The following RIN3 variants were observed in gnomAD, a reference collection of about 807,000 sequenced individuals.
The protein encoded by RIN3 is RAB5 interacting protein 3.
Under a neutral mutation model 76.3 loss-of-function variants are expected in RIN3, and 54 were observed. The ratio of observed to expected loss-of-function variants is 0.71; its 90% confidence interval spans 0.57 to 0.89. The LOEUF (loss-of-function observed/expected upper bound fraction) is 0.89, where lower values mean the gene tolerates loss of function less well. RIN3 is among the 40% of genes least tolerant of loss of function. The pLI, the probability that RIN3 is intolerant of heterozygous loss-of-function variation, is 0.00. For synonymous variants in RIN3, 576 were observed against 564.0 expected, an observed-to-expected ratio of 1.02 and a Z score of -0.30; for missense variants, 1,256 against 1,322.1, an observed-to-expected ratio of 0.95 and a Z score of 0.78.
At chr14:92,547,144 C>A (rs1566836713) in intron 1 of RIN3, among the ~76,000 whole-genome samples, 1 of 62,954 alleles carries the variant, frequency 1.6e-5, no homozygotes, top group Non-Finnish European at 3.4e-5. Flanking sequence ...AGTAAATTAT[C>A]TTTATTTTAT....
intron 8 of RIN3, among the ~76,000 whole-genome samples, chr14:92,677,463 GT>G (rs1888508403): frequency 6.6e-6 from 1 of 152,188 alleles, no homozygotes; most frequent in Non-Finnish European, 1.5e-5. Flanking sequence ...CTTTGTATCT[GT>G]TCGCATTTTT....
chr14:92,641,238 A>G lies in RIN3; in HGVS notation c.441A>G (p.Arg147=), dbSNP rs1171810201. The G allele has an allele frequency of 6.2e-7, 1 of 1,612,432 alleles. No individual in the cohort carries two copies. Among genetic ancestry groups the G allele is most frequent in the Non-Finnish European group, 8.5e-7 (1 of 1,178,576 alleles). Residue 147 remains arginine, a splice_region_variant and synonymous_variant, in exon 5 of 10, where the codon AGA becomes AGG. Coordinates refer to ENST00000216487, the MANE Select transcript of RIN3 (RefSeq NM_024832.5). ...ACTTCTGCCCCTCGTGTCTTCACAG[A>G]GACTTACTGCCCTTCACACTGCGGC... ...FRLIAFYCVS[R]DLLPFTLRLP...
intron 4 of RIN3, among the ~76,000 whole-genome samples, chr14:92,639,553 G>A (rs1381496250): frequency 6.6e-6 from 1 of 152,182 alleles, no homozygotes; most frequent in African/African-American, 2.4e-5. Context: ...AAGAAACACA[G>A]AATCGGGACC....
chr14:92,568,293 T>G lies in RIN3; in HGVS notation c.250-9067T>G, dbSNP rs892062775. On this transcript the variant is annotated intron_variant, in intron 2 of 9. Coordinates refer to ENST00000216487, the MANE Select transcript of RIN3 (RefSeq NM_024832.5). The surrounding 1 kb of genome is among the most constrained non-coding windows in gnomAD (Gnocchi z 4.2). ...GGCAACATCCCCTTGGAGTATGACC[T>G]GGGGACACTCGATCAGCGAGTGGGC... Among the ~76,000 whole-genome samples the G allele has an allele frequency of 1.2e-4, 18 of 152,152 alleles. No homozygotes were observed. Among genetic ancestry groups the G allele is most frequent in the African/African-American group, 4.3e-4 (18 of 41,426 alleles).
chr14:92,546,738 C>G (rs1897276066), intron 1 of RIN3, among the ~76,000 whole-genome samples: 2 of 152,050 alleles, frequency 1.3e-5, no homozygotes, highest in African/African-American at 4.8e-5. Flanking sequence ...CAGCCTCAGA[C>G]CATTCCTCCT....
rs947585209 is a variant in RIN3 at position 92,648,533 on chromosome 14, C to T, written c.533-3049C>T. On this transcript the variant is annotated intron_variant, in intron 5 of 9. Transcript: ENST00000216487. This position sits in a 1 kb window ranked among gnomAD's most constrained non-coding sequence, Gnocchi z 4.1. ...TGGTTCAGGTTGTCCCCATCTTGCC[C>T]TTGAAACTAACCTTGCCTGTGTCCC... 6.6e-6 allele frequency among the ~76,000 whole-genome samples: 1 copy of T among 152,150 alleles called. No individual in the cohort carries two copies. Among genetic ancestry groups the T allele is most frequent in the Non-Finnish European group, 1.5e-5 (1 of 68,048 alleles).
Position 92,623,776 on chromosome 14 carries a change from T to C in RIN3, c.440+8297T>C, listed in dbSNP as rs113984167. 1.6e-3 allele frequency among the ~76,000 whole-genome samples: 237 copies of C among 152,324 alleles called. 1 individual carries two copies. Among genetic ancestry groups the C allele is most frequent in the Non-Finnish European group, 2.9e-3 (196 of 68,028 alleles). Reference sequence around the variant, plus strand: ...CAAGTGCAGACTGATTGGTAAGCTCTTGGAAAGACTTAAGCTCACTGCATC... The same window carrying C: ...CAAGTGCAGACTGATTGGTAAGCTCCTGGAAAGACTTAAGCTCACTGCATC... On this transcript the variant is annotated intron_variant, in intron 4 of 9. Transcript: ENST00000216487. The surrounding 1 kb of genome is among the most constrained non-coding windows in gnomAD (Gnocchi z 4.9).
chr14:92,680,103 G>A (rs1052081922), intron 8 of RIN3, among the ~76,000 whole-genome samples: 1 of 152,132 alleles, frequency 6.6e-6, no homozygotes, highest in Non-Finnish European at 1.5e-5. Flanking sequence ...GGCACCAGCA[G>A]ACTCAGTGTC....
chr14:92,628,262 G>A (rs1045535338), intron 4 of RIN3, among the ~76,000 whole-genome samples: 11 of 152,212 alleles, frequency 7.2e-5, no homozygotes, highest in African/African-American at 2.2e-4. Context: ...TGGGATCCAT[G>A]CAATGCCATC....
At chr14:92,646,157 C>G (rs913750466) in intron 5 of RIN3, among the ~76,000 whole-genome samples, 1 of 152,146 alleles carries the variant, frequency 6.6e-6, no homozygotes, top group Admixed American at 6.5e-5. Flanking sequence ...TGAATTCATA[C>G]TCAGGGCTTG....
intron 1 of RIN3, among the ~76,000 whole-genome samples, chr14:92,546,156 C>T (rs1008002991): frequency 5.3e-5 from 8 of 152,046 alleles, no homozygotes; most frequent in Non-Finnish European, 1.2e-4. Context: ...AACTCGTGAC[C>T]TCAAATGATC....
rs1566887323 is a variant in RIN3, at chr14:92,652,075, G to A, written c.1026G>A (p.Glu342=). Residue 342 remains glutamate (E), a synonymous_variant, in exon 6 of 10, where the codon GAG becomes GAA. Coordinates refer to ENST00000216487, the MANE Select transcript of RIN3 (RefSeq NM_024832.5). The surrounding 1 kb of genome is among the most constrained non-coding windows in gnomAD (Gnocchi z 6.4). ...ACCAGCCGCCCATGATGACCTGCGA[G>A]AGACTCCCATGCCCCACTGCAGGCC... The part of the protein sequence containing the change: ...HPNQPPMMTC[E]RLPCPTAGLG... 3 of 1,603,210 alleles carry A rather than the reference G, an allele frequency of 1.9e-6. No homozygotes were observed. Among genetic ancestry groups the A allele is most frequent in the East Asian group, 2.2e-5 (1 of 44,784 alleles).
At chr14:92,582,155 A>C (rs150846850) in intron 3 of RIN3, among the ~76,000 whole-genome samples, 1 of 152,330 alleles carries the variant, frequency 6.6e-6, no homozygotes, top group East Asian at 1.9e-4. Flanking sequence ...AAGTTTGGTC[A>C]AGCGAAGAAT....
At chr14:92,679,859 T>G (rs1042107816) in intron 8 of RIN3, among the ~76,000 whole-genome samples, 1 of 152,232 alleles carries the variant, frequency 6.6e-6, no homozygotes, top group African/African-American at 2.4e-5. Flanking sequence ...GGCCCAGTTC[T>G]GCCTCTGACT....
intron 5 of RIN3, among the ~76,000 whole-genome samples, chr14:92,650,755 G>C (rs1433451273): frequency 4.6e-5 from 7 of 152,250 alleles, no homozygotes; most frequent in Non-Finnish European, 8.8e-5. Context: ...GCTTGGCAGA[G>C]TGTGGTCCCC....
rs760419793 is a variant in RIN3, at chr14:92,672,892, G to A, written c.2336-3583G>A. Among the ~76,000 whole-genome samples the A allele has an allele frequency of 9.9e-5, 15 of 152,168 alleles. No homozygotes were observed. In the South Asian group the frequency reaches 1.5e-3, roughly 15 times the overall value. On this transcript the variant is annotated intron_variant, in intron 7 of 9. Transcript: ENST00000216487. Reference sequence around the variant, plus strand: ...GTTTGTGGGTTTGCTTATTCTGGACGTTGCATATAGATGGAATCCTATGTC... The same window carrying A: ...GTTTGTGGGTTTGCTTATTCTGGACATTGCATATAGATGGAATCCTATGTC...
At chr14:92,646,747 G>GT (rs1345038408) in intron 5 of RIN3, among the ~76,000 whole-genome samples, 1 of 152,188 alleles carries the variant, frequency 6.6e-6, no homozygotes, top group Non-Finnish European at 1.5e-5. Flanking sequence ...GGCCATGTGT[G>GT]TTTGTTTTTA....
At chr14:92,534,063 G>A (rs1420730227) in intron 1 of RIN3, among the ~76,000 whole-genome samples, 1 of 152,018 alleles carries the variant, frequency 6.6e-6, no homozygotes, top group African/African-American at 2.4e-5. Flanking sequence ...AATCAGTTTG[G>A]TTCTTTGGAC....
chr14:92,677,620 T>A (rs1224278384), intron 8 of RIN3, among the ~76,000 whole-genome samples: 1 of 152,122 alleles, frequency 6.6e-6, no homozygotes, highest in Non-Finnish European at 1.5e-5. Context: ...TCTACCTTTT[T>A]TTTTTCTCTG....
Sources: allele counts gnomAD v4.1 joint callset (sites outside exome capture counted in the v4.1 genomes callset), GRCh38; gene constraint gnomAD v4.1.1; non-coding constraint Gnocchi (gnomAD v3.1); transcripts MANE v1.5; gene names NCBI Gene and HGNC (gene_info 2026-07-23, HGNC 2026-07-21).